Variants in NFKB1 observed in about 807,000 individuals in gnomAD.
NFKB1 encodes the protein nuclear factor kappa B subunit 1.
Under a neutral mutation model 105.1 loss-of-function variants are expected in NFKB1, and 9 were observed. The observed-to-expected ratio is 0.09, with a 90% CI of 0.05 to 0.15. The LOEUF (loss-of-function observed/expected upper bound fraction) is 0.15. Ranked by LOEUF, NFKB1 falls within the 10% of genes least tolerant of loss-of-function variation. The pLI is 1.00. For synonymous variants in NFKB1, 440 were observed against 442.2 expected (o/e 1.00, Z 0.06); for missense variants, 830 against 1,203.7 (o/e 0.69, Z 4.59).
At chr4:102,584,231 A>G (rs2149191892) in intron 10 of NFKB1, among the ~76,000 whole-genome samples, 1 of 152,310 alleles carries the variant, frequency 6.6e-6, no homozygotes, top group East Asian at 1.9e-4. Context: ...CTAATGTGTT[A>G]TGATGCCAAT....
At position 102,609,958 on chromosome 4, in the gene NFKB1, TTTTG is replaced by T. The variant is rs1329805291; in HGVS notation, c.2228-613_2228-610del. ...CTCTAGTCTTTGAGTTACTTTGATG[TTTTG>T]TTTATTTGTTTGTTGTTTTTGTTTT... On this transcript the variant is annotated intron_variant, in intron 19 of 23. Transcript: ENST00000226574. Among the ~76,000 whole-genome samples the T allele has an allele frequency of 1.1e-4, 16 of 152,170 alleles. No homozygotes were observed. In the East Asian group the frequency reaches 1.3e-3, roughly 13 times the overall value.
At chr4:102,512,762 G>A (rs910312449) in intron 1 of NFKB1, among the ~76,000 whole-genome samples, 12 of 152,182 alleles carry the variant, frequency 7.9e-5, no homozygotes, top group African/African-American at 9.7e-5. Context: ...GAAGGCCTTC[G>A]CCGTGATTAT....
intron 10 of NFKB1, 112 bp downstream of exon 10, chr4:102,583,069 T>A: frequency 1.5e-6 from 1 of 657,032 alleles, no homozygotes; most frequent in Non-Finnish European, 2.5e-6. Flanking sequence ...ATCCCCCAAC[T>A]GTTGGGCTTG....
At chr4:102,599,894 AGTAT>A (rs771195584) in intron 15 of NFKB1, among the ~76,000 whole-genome samples, 2 of 152,238 alleles carry the variant, frequency 1.3e-5, no homozygotes, top group Non-Finnish European at 2.9e-5. Context: ...GAATTTTAAT[AGTAT>A]GTTTTTTAAT....
intron 6 of NFKB1, among the ~76,000 whole-genome samples, chr4:102,570,230 C>G (rs1210183347): frequency 1.3e-5 from 2 of 152,016 alleles, no homozygotes; most frequent in African/African-American, 2.4e-5. Flanking sequence ...GAAACAAGGC[C>G]TTCTTCAGTG....
chr4:102,578,824 G>A lies in NFKB1; in HGVS notation c.572-57G>A, dbSNP rs70937095. On this transcript the variant is annotated intron_variant, in intron 7 of 23. Transcript: ENST00000226574. ...ATTATTTGGGCTTTATAAAAGCATG[G>A]TCTTTTAAATGTTCACACTTCCCTG... 67 of 1,542,592 alleles carry A rather than the reference G, an allele frequency of 4.3e-5. No individual in the cohort carries two copies. The East Asian group carries it at 1.4e-3, about 33-fold the overall frequency.
intron 16 of NFKB1, among the ~76,000 whole-genome samples, chr4:102,602,266 C>T (rs892026440): frequency 6.6e-6 from 1 of 151,646 alleles, no homozygotes; most frequent in Admixed American, 6.6e-5. Flanking sequence ...TGCGGTGGCT[C>T]ACACCTATAA....
intron 5 of NFKB1, among the ~76,000 whole-genome samples, chr4:102,561,458 C>A (rs1168863280): frequency 2.6e-5 from 4 of 152,072 alleles, no homozygotes; most frequent in African/African-American, 9.7e-5. Flanking sequence ...ACCAGCAAAG[C>A]CAAACAAACA....
At chr4:102,545,811 T>G (rs1250297814) in intron 5 of NFKB1, among the ~76,000 whole-genome samples, 1 of 152,158 alleles carries the variant, frequency 6.6e-6, no homozygotes. Context: ...TAAGAATACA[T>G]GCCATTATAT....
At chr4:102,566,631 T>C (rs1723895759) in intron 5 of NFKB1, among the ~76,000 whole-genome samples, 3 of 152,206 alleles carry the variant, frequency 2.0e-5, no homozygotes, top group Admixed American at 2.0e-4. Flanking sequence ...ACCAAGAATT[T>C]TGATGAGGAT....
intron 1 of NFKB1, among the ~76,000 whole-genome samples, chr4:102,507,034 A>AT (rs1162919725): frequency 3.4e-5 from 5 of 148,814 alleles, no homozygotes; most frequent in South Asian, 2.1e-4. Flanking sequence ...TAACTAATAT[A>AT]ATTATATTTA....
At chr4:102,595,105 T>A in intron 13 of NFKB1, 124 bp downstream of exon 13, 1 of 586,154 alleles carries the variant, frequency 1.7e-6, no homozygotes, top group Non-Finnish European at 3.0e-6. Flanking sequence ...TGAATGCAAA[T>A]AAACTAAGAA....
intron 14 of NFKB1, among the ~76,000 whole-genome samples, chr4:102,596,774 T>G (rs1038556203): frequency 1.3e-5 from 2 of 151,960 alleles, no homozygotes; most frequent in African/African-American, 4.8e-5. Flanking sequence ...TAGGAGAAAA[T>G]GTACTTTTGC....
At chr4:102,603,737 ATTAT>A (rs1418954018) in intron 16 of NFKB1, among the ~76,000 whole-genome samples, 2 of 152,222 alleles carry the variant, frequency 1.3e-5, no homozygotes, top group Non-Finnish European at 2.9e-5. Flanking sequence ...AATAATTTGG[ATTAT>A]TTGACAGTTA....
chr4:102,568,398 T>A (rs1724050914), intron 6 of NFKB1, among the ~76,000 whole-genome samples: 1 of 152,198 alleles, frequency 6.6e-6, no homozygotes. Flanking sequence ...GCGTGTCTCC[T>A]GTTGTATGTC....
chr4:102,609,611 C>CAAAAAAAAAA (rs34646774), intron 19 of NFKB1, among the ~76,000 whole-genome samples: 4 of 64,248 alleles, frequency 6.2e-5, no homozygotes, highest in African/African-American at 2.4e-4. Context: ...GACTCCATCT[C>CAAAAAAAAAA]AAAAAAAAAA....
chr4:102,577,049 A>G lies in NFKB1; in HGVS notation c.571+10A>G. On this transcript the variant is annotated intron_variant, in intron 7 of 23. Transcript: ENST00000226574. Reference sequence around the variant, plus strand: ...GACCGGCAGCTGGGAGGTAAGCATCATTTTCCTGGCCTTGATCCTCCAAGG... The same window carrying G: ...GACCGGCAGCTGGGAGGTAAGCATCGTTTTCCTGGCCTTGATCCTCCAAGG... The G allele has an allele frequency of 6.2e-7, 1 of 1,606,282 alleles. No individual in the cohort carries two copies. The highest frequency in any genetic ancestry group is 8.5e-7 in the Non-Finnish European group (1 of 1,177,592).
At chr4:102,532,195 T>G (rs924838752) in intron 3 of NFKB1, among the ~76,000 whole-genome samples, 3 of 152,204 alleles carry the variant, frequency 2.0e-5, no homozygotes, top group African/African-American at 7.2e-5. Context: ...TTTTTTCTTG[T>G]GTATGCTTCA....
chr4:102,531,234 C>T (rs929440846), intron 3 of NFKB1, among the ~76,000 whole-genome samples: 2 of 152,124 alleles, frequency 1.3e-5, no homozygotes, highest in Non-Finnish European at 2.9e-5. Flanking sequence ...AGATAACCAT[C>T]TCAGTAAATA....
Sources: gnomAD v4.1 joint callset for allele counts (sites outside exome capture counted in the v4.1 genomes callset) on GRCh38, gnomAD v4.1.1 for gene constraint, MANE v1.5 for transcripts, NCBI Gene and HGNC (gene_info 2026-07-23, HGNC 2026-07-21) for gene names.